Variants in FGFR4 observed in about 807,000 individuals in gnomAD.
The protein encoded by FGFR4 is fibroblast growth factor receptor 4.
FGFR4 carries 63 observed loss-of-function variants against 89.9 expected under a neutral mutation model. The observed-to-expected ratio is 0.70, with a 90% CI of 0.57 to 0.86. The LOEUF (loss-of-function observed/expected upper bound fraction) is 0.86, where lower values mean the gene tolerates loss of function less well. Ranked by LOEUF, FGFR4 falls within the 40% of genes least tolerant of loss-of-function variation. The pLI is 0.00. For missense variants in FGFR4, 928 were observed against 1,106.7 expected (o/e 0.84, Z 2.29); for synonymous variants, 486 against 479.4 (o/e 1.01, Z -0.18).
In FGFR4 at chr5:177,096,281, C is replaced by A. The variant is rs1413202872; in HGVS notation, c.1945-6C>A. The A allele has an allele frequency of 1.2e-6, 2 of 1,614,122 alleles. No individual in the cohort carries two copies. The highest frequency in any genetic ancestry group is 1.1e-5 in the South Asian group (1 of 91,086). On this transcript the variant is annotated splice_polypyrimidine_tract_variant and splice_region_variant and intron_variant, in intron 14 of 17. Coordinates refer to ENST00000292408, the MANE Select transcript of FGFR4 (RefSeq NM_213647.3). The stretch of plus-strand genomic sequence containing the variant: ...ACTCTGCACTGAGGCCCTCTCTCCC[C>A]TCCAGGGCCGCCTGCCTGTGAAGTG...
At chr5:177,089,411 C>T (rs949676443) in intron 1 of FGFR4, 139 bp from the exon 2 acceptor site, 1 of 966,936 alleles carries the variant, frequency 1.0e-6, no homozygotes. Context: ...TGGTTCCAGT[C>T]TGCACTGCCA....
In FGFR4 at chr5:177,087,993, G is replaced by T. The variant is rs981069829; in HGVS notation, c.-54+916G>T. Among the ~76,000 whole-genome samples the T allele has an allele frequency of 1.3e-5, 2 of 152,138 alleles. No homozygotes were observed. Among genetic ancestry groups the T allele is most frequent in the African/African-American group, 4.8e-5 (2 of 41,426 alleles). On this transcript the variant is annotated intron_variant, in intron 1 of 17. Transcript: ENST00000292408. This position sits in a 1 kb window ranked among gnomAD's most constrained non-coding sequence, Gnocchi z 6.1. Reference sequence around the variant, plus strand: ...GTAGCCATTAAGGGCTTGCAAGCTGGGGGGCATGACATGGCAGACTTGCAG... The same window carrying T: ...GTAGCCATTAAGGGCTTGCAAGCTGTGGGGCATGACATGGCAGACTTGCAG...
Position 177,093,028 on chromosome 5 carries a change from G to A in FGFR4, c.1058-110G>A. ...GGCATAACTACAGCTTCCTCCGTGTGTGTCCCCACATATGTTGGGAGCTGG... is the reference window on the plus strand; with the variant it reads ...GGCATAACTACAGCTTCCTCCGTGTATGTCCCCACATATGTTGGGAGCTGG... On this transcript the variant is annotated intron_variant, in intron 8 of 17. Coordinates refer to ENST00000292408, the MANE Select transcript of FGFR4 (RefSeq NM_213647.3). The surrounding 1 kb of genome is among the most constrained non-coding windows in gnomAD (Gnocchi z 5.8). The A allele has an allele frequency of 6.9e-7, 1 of 1,448,192 alleles. No homozygotes were observed. The highest frequency in any genetic ancestry group is 9.6e-7 in the Non-Finnish European group (1 of 1,041,464). 89.7% of individuals were successfully genotyped at this position (1,448,192 alleles called of 1,614,324 possible).
chr5:177,093,290 G>A lies in FGFR4; in HGVS notation c.1210G>A (p.Ala404Thr), dbSNP rs779369671. 3.1e-5 allele frequency: 21 copies of A among 683,174 alleles called. No individual in the cohort carries two copies. The highest frequency in any genetic ancestry group is 4.7e-5 in the East Asian group (1 of 21,138). The allele number at this position is 683,174 out of a possible 1,614,324, so 42.3% of individuals were successfully genotyped here. A position where few individuals can be genotyped will look rare whatever the true frequency, so the allele number is the denominator to read the frequency against. ...ALHGRHPRPP[A>T]TVQKLSRFPL... ...CCACGGCCGGCACCCCCGCCCGCCC[G>A]CCACTGTGCAGAAGCTCTCCCGCTT... The change falls in exon 9 of 18, where the codon GCC (alanine) becomes ACC (threonine). Residue 404 changes from alanine (A) to threonine (T), a missense_variant. Ala to Thr is a moderately conservative substitution (Grantham distance 58). This residue lies in a region of FGFR4 where 741 missense variants were observed against 836.9 expected (regional missense o/e 0.89). Coordinates refer to ENST00000292408, the MANE Select transcript of FGFR4 (RefSeq NM_213647.3). The surrounding 1 kb of genome is among the most constrained non-coding windows in gnomAD (Gnocchi z 5.8).
At position 177,097,551 on chromosome 5, in the gene FGFR4, G is replaced by C; in HGVS notation, c.2284G>C (p.Gly762Arg). ...EEYLDLRLTFGPYSPSGGDAS... is the reference protein window; with the variant it reads ...EEYLDLRLTFRPYSPSGGDAS... Reference sequence around the variant, plus strand: ...GTACCTCGACCTCCGCCTGACCTTCGGACCCTATTCCCCCTCTGGTGGGGA... The same window carrying C: ...GTACCTCGACCTCCGCCTGACCTTCCGACCCTATTCCCCCTCTGGTGGGGA... The change falls in exon 18 of 18, where the codon GGA becomes CGA. Residue 762 changes from glycine (G) to arginine (R), a missense_variant. Transcript: ENST00000292408. The C allele has an allele frequency of 1.2e-6, 2 of 1,613,810 alleles. No individual in the cohort carries two copies. Among genetic ancestry groups the C allele is most frequent in the Non-Finnish European group, 8.5e-7 (1 of 1,179,906 alleles).
chr5:177,089,924 G>A (rs1284851162), intron 2 of FGFR4: 1 of 712,820 alleles, frequency 1.4e-6, no homozygotes, highest in Non-Finnish European at 2.5e-6. Context: ...GCCCTAAGCT[G>A]GGCTGCAGAG....
intron 1 of FGFR4, 28 bp from the exon 2 acceptor site, chr5:177,089,522 C>CA: frequency 6.6e-7 from 1 of 1,522,678 alleles, no homozygotes; most frequent in South Asian, 1.2e-5. Context: ...GCACGTGTAG[C>CA]AGGAGCTCTT....
intron 2 of FGFR4, chr5:177,090,106 G>T: frequency 1.5e-6 from 1 of 669,474 alleles, no homozygotes; most frequent in South Asian, 1.5e-5. Context: ...CCTTGTGTGT[G>T]TGTGTGTCCG....
At chr5:177,089,041 G>T (rs1257165262) in intron 1 of FGFR4, among the ~76,000 whole-genome samples, 1 of 152,178 alleles carries the variant, frequency 6.6e-6, no homozygotes, top group East Asian at 1.9e-4. Flanking sequence ...GCTTGCCACG[G>T]AAGGGGCCGC....
Position 177,095,632 on chromosome 5 carries a change from C to T in FGFR4, c.1730C>T (p.Pro577Leu). Residue 577 changes from proline to leucine, a missense_variant, in exon 13 of 18, where the codon CCT becomes CTT. Pro to Leu is a moderately conservative substitution (Grantham distance 98, BLOSUM62 -3). This residue lies in a region of FGFR4 where 741 missense variants were observed against 836.9 expected (regional missense o/e 0.89). Coordinates refer to ENST00000292408, the MANE Select transcript of FGFR4 (RefSeq NM_213647.3). This position sits in a 1 kb window ranked among gnomAD's most constrained non-coding sequence, Gnocchi z 5.7. ...PPGPDLSPDGPRSSEGPLSFP... is the reference protein window; with the variant it reads ...PPGPDLSPDGLRSSEGPLSFP... ...GGCCCCGACCTCAGCCCCGACGGTCCTCGGAGCAGTGAGGGGCCGCTCTCC... is the reference window on the plus strand; with the variant it reads ...GGCCCCGACCTCAGCCCCGACGGTCTTCGGAGCAGTGAGGGGCCGCTCTCC... 6.2e-7 allele frequency: 1 copy of T among 1,606,246 alleles called. No homozygotes were observed. The highest frequency in any genetic ancestry group is 8.5e-7 in the Non-Finnish European group (1 of 1,177,562).
rs1784544328 is a variant in FGFR4, at chr5:177,095,941, G to C, written c.1822-116G>C. On this transcript the variant is annotated intron_variant, in intron 13 of 17. Transcript: ENST00000292408. This position sits in a 1 kb window ranked among gnomAD's most constrained non-coding sequence, Gnocchi z 5.7. ...AAGGCACTCCCCGTTTCTAAACCTT[G>C]ACCTCCTCCTCTGTAAAGTGGGTGG... The C allele has an allele frequency of 2.1e-6, 3 of 1,428,014 alleles. No homozygotes were observed. In the South Asian group the frequency reaches 4.3e-5, roughly 20 times the overall value. The allele number at this position is 1,428,014 out of a possible 1,614,324, so 88.5% of individuals were successfully genotyped here.
chr5:177,097,094 C>CTTCTCT, intron 16 of FGFR4, 198 bp from the exon 17 acceptor site: 3 of 193,662 alleles, frequency 1.5e-5, no homozygotes, highest in Non-Finnish European at 2.5e-5. Flanking sequence ...CTTCCTCCTC[C>CTTCTCT]TCCTCCTGCT....
chr5:177,089,276 C>A (rs1784266982), intron 1 of FGFR4, among the ~76,000 whole-genome samples: 1 of 152,174 alleles, frequency 6.6e-6, no homozygotes, highest in Non-Finnish European at 1.5e-5. Flanking sequence ...AAAAAAGAAT[C>A]CCAAAACTGC....
rs777553102 is a variant in FGFR4 at position 177,092,571 on chromosome 5, G to T, written c.918+60G>T. On this transcript the variant is annotated intron_variant, in intron 7 of 17. Coordinates refer to ENST00000292408, the MANE Select transcript of FGFR4 (RefSeq NM_213647.3). The stretch of plus-strand genomic sequence containing the variant: ...TTCTTCTCCCACCTTGGGTTGGGGG[G>T]CTCCCCAGCTTCCCTGTTGGCCACA... 407 of 1,564,106 alleles carry T rather than the reference G, an allele frequency of 2.6e-4. 3 individuals are homozygous for T. The South Asian group carries it at 3.1e-3, about 12-fold the overall frequency.
At position 177,093,596 on chromosome 5, in the gene FGFR4, A is replaced by G; in HGVS notation, c.1397+45A>G. On this transcript the variant is annotated intron_variant, in intron 10 of 17. Coordinates refer to ENST00000292408, the MANE Select transcript of FGFR4 (RefSeq NM_213647.3). The surrounding 1 kb of genome is among the most constrained non-coding windows in gnomAD (Gnocchi z 5.8). ...GGCAGGGACGCGGGCGCCGGGTTGC[A>G]GCCCGCCCTCCGCAGGAGTGACTCG... The G allele has an allele frequency of 6.2e-7, 1 of 1,612,694 alleles. No individual in the cohort carries two copies. Among genetic ancestry groups the G allele is most frequent in the Non-Finnish European group, 8.5e-7 (1 of 1,178,912 alleles).
rs201490532 is a variant in FGFR4, at chr5:177,097,305, C to A, written c.2167C>A (p.Arg723Ser). Residue 723 changes from arginine (R) to serine (S), a missense_variant, in exon 17 of 18, where the codon CGT (arginine) becomes AGT (serine). Transcript: ENST00000292408. Reference sequence around the variant, plus strand: ...CACCTCTCGCAGGTACGGGCTGATGCGTGAGTGCTGGCACGCAGCGCCCTC... The same window carrying A: ...CACCTCTCGCAGGTACGGGCTGATGAGTGAGTGCTGGCACGCAGCGCCCTC... ...HCPPELYGLMRECWHAAPSQR... is the reference protein window; with the variant it reads ...HCPPELYGLMSECWHAAPSQR... 1 of 1,606,250 alleles carries A rather than the reference C, an allele frequency of 6.2e-7. No individual in the cohort carries two copies. The highest frequency in any genetic ancestry group is 8.5e-7 in the Non-Finnish European group (1 of 1,177,062).
rs1204680566 is a variant in FGFR4, at chr5:177,092,759, G to A, written c.1032G>A (p.Gln344=). Reference sequence around the variant, plus strand: ...GCAATTCCATCGGCCTCTCCTACCAGTCTGCCTGGCTCACGGTGCTGCCAG... The same window carrying A: ...GCAATTCCATCGGCCTCTCCTACCAATCTGCCTGGCTCACGGTGCTGCCAG... The part of the protein sequence containing the change: ...LAGNSIGLSY[Q]SAWLTVLPEE... Residue 344 remains glutamine (Q), a synonymous_variant, in exon 8 of 18, where the codon CAG becomes CAA. Coordinates refer to ENST00000292408, the MANE Select transcript of FGFR4 (RefSeq NM_213647.3). The A allele has an allele frequency of 6.2e-7, 1 of 1,614,136 alleles. No homozygotes were observed. The highest frequency in any genetic ancestry group is 8.5e-7 in the Non-Finnish European group (1 of 1,180,052).
intron 1 of FGFR4, among the ~76,000 whole-genome samples, chr5:177,088,782 C>T (rs564393718): frequency 1.3e-5 from 2 of 151,482 alleles, no homozygotes; most frequent in South Asian, 2.1e-4. Context: ...GTTCTAGGGC[C>T]GGGCACAGGG....
chr5:177,093,502 G>A lies in FGFR4; in HGVS notation c.1348G>A (p.Val450Met), dbSNP rs138256705. Reference sequence around the variant, plus strand: ...CGGCCCCGCCTTGCTCGCCGGCCTCGTGAGTCTAGATCTACCTCTCGACCC... The same window carrying A: ...CGGCCCCGCCTTGCTCGCCGGCCTCATGAGTCTAGATCTACCTCTCGACCC... ...SSGPALLAGL[V>M]SLDLPLDPLW... is the part of the protein sequence containing the mutation. The change falls in exon 10 of 18, where the codon GTG becomes ATG. Residue 450 changes from valine to methionine, a missense_variant. Physicochemically the swap from Val to Met is conservative, Grantham distance 21. Transcript: ENST00000292408. The surrounding 1 kb of genome is among the most constrained non-coding windows in gnomAD (Gnocchi z 5.8). The A allele has an allele frequency of 2.0e-5, 33 of 1,613,874 alleles. No homozygotes were observed. The highest frequency in any genetic ancestry group is 1.6e-4 in the Middle Eastern group (1 of 6,062).
Sources: gnomAD v4.1 joint callset for allele counts (sites outside exome capture counted in the v4.1 genomes callset) on GRCh38, gnomAD v4.1.1 for gene constraint, gnomAD v4.1.1 regional missense constraint, Gnocchi (gnomAD v3.1) non-coding constraint, MANE v1.5 for transcripts, NCBI Gene and HGNC (gene_info 2026-07-23, HGNC 2026-07-21) for gene names.